Variants in ENOX1 observed in about 807,000 individuals in gnomAD.
ENOX1 encodes the protein ecto-NOX disulfide-thiol exchanger 1, also known as candidate growth-related and time keeping constitutive hydroquinone (NADH) oxidase.
In ENOX1, 42 loss-of-function variants were observed where a neutral mutation model predicts 82.5. The ratio of observed to expected loss-of-function variants is 0.51; its 90% CI spans 0.40 to 0.66. The LOEUF is 0.66. Ranked by LOEUF, ENOX1 falls within the 30% of genes least tolerant of loss-of-function variation. ENOX1 has a pLI of 0.00. For missense variants in ENOX1, 608 were observed against 811.6 expected, an observed-to-expected ratio of 0.75 and a Z score of 3.05; for synonymous variants, 271 against 282.2, an observed-to-expected ratio of 0.96 and a Z score of 0.40.
At chr13:43,518,247 T>C (rs1160532019) in intron 2 of ENOX1, among the ~76,000 whole-genome samples, 2 of 152,072 alleles carry the variant, frequency 1.3e-5, no homozygotes, top group East Asian at 3.9e-4. Context: ...AGGAAGTGTG[T>C]TGTGAGAACA....
intron 2 of ENOX1, among the ~76,000 whole-genome samples, chr13:43,555,427 T>C (rs2079390656): frequency 6.6e-6 from 1 of 152,222 alleles, no homozygotes; most frequent in African/African-American, 2.4e-5. Context: ...CTATAAATAC[T>C]TGACTTTTAG....
At position 43,525,739 on chromosome 13, in the gene ENOX1, G is replaced by A. The variant is rs529358303; in HGVS notation, c.-218-41587C>T. Among the ~76,000 whole-genome samples the A allele has an allele frequency of 2.7e-4, 41 of 152,168 alleles. No individual in the cohort carries two copies. In the South Asian group the frequency reaches 8.5e-3, roughly 32 times the overall value. On this transcript the variant is annotated intron_variant, in intron 2 of 16. Transcript: ENST00000690772. ...TTTCCCTAGTCATTAGTGATGCTGA[G>A]TATCTTTCCTTGTGCTTATTAGCCA... is the stretch of plus-strand genomic sequence containing the variant.
intron 16 of ENOX1, among the ~76,000 whole-genome samples, chr13:43,215,211 A>T (rs2041410572): frequency 6.6e-6 from 1 of 152,214 alleles, no homozygotes; most frequent in South Asian, 2.1e-4. Context: ...AGTCAAATCA[A>T]CTGTTTATTT....
chr13:43,298,609 T>C, intron 11 of ENOX1, 79 bp from the exon 12 acceptor site: 1 of 1,350,808 alleles, frequency 7.4e-7, no homozygotes, highest in Non-Finnish European at 1.0e-6. Flanking sequence ...AAAGGGAGTC[T>C]GTCACCCAAG....
At chr13:43,364,005 A>G (rs2050688457) in intron 5 of ENOX1, among the ~76,000 whole-genome samples, 1 of 152,204 alleles carries the variant, frequency 6.6e-6, no homozygotes, top group African/African-American at 2.4e-5. Flanking sequence ...TAACACGTAA[A>G]TTATGTTGGA....
In ENOX1 at chr13:43,331,837, A is replaced by C. The variant is rs192612163; in HGVS notation, c.1037-5312T>G. On this transcript the variant is annotated intron_variant, in intron 9 of 16. Coordinates refer to ENST00000690772, the MANE Select transcript of ENOX1 (RefSeq NM_001347969.2). ...CACATAAGAGGAAGCTGCTGCTATA[A>C]AAGAGATTCCCAGACAGACTCCTGC... is the stretch of plus-strand genomic sequence containing the variant. Among the ~76,000 whole-genome samples, 323 of 152,262 alleles carry C rather than the reference A, an allele frequency of 2.1e-3. 2 individuals are homozygous for C. The highest frequency in any genetic ancestry group is 3.5e-3 in the Non-Finnish European group (241 of 68,010).
chr13:43,589,700 C>G (rs1371214351), intron 2 of ENOX1, among the ~76,000 whole-genome samples: 1 of 151,962 alleles, frequency 6.6e-6, no homozygotes, highest in Non-Finnish European at 1.5e-5. Flanking sequence ...TGGAGAGATG[C>G]AGTCTCACTA....
At chr13:43,221,842 G>C (rs1456228812) in intron 16 of ENOX1, among the ~76,000 whole-genome samples, 1 of 152,148 alleles carries the variant, frequency 6.6e-6, no homozygotes. Flanking sequence ...GGTGGAGCCT[G>C]CTTTCCCTGT....
intron 1 of ENOX1, among the ~76,000 whole-genome samples, chr13:43,747,888 C>T (rs920232078): frequency 1.3e-5 from 2 of 152,156 alleles, no homozygotes; most frequent in Non-Finnish European, 2.9e-5. Context: ...CTTTTGTCAC[C>T]AGTATCTAAC....
Position 43,682,935 on chromosome 13 carries a change from A to G in ENOX1, c.-284-15391T>C, listed in dbSNP as rs573298164. ...TTAGGGCCTTTGGAATACTACTCAT[A>G]TAAGGGCTGGTTGCCATGCTTATAA... On this transcript the variant is annotated intron_variant, in intron 1 of 16. Coordinates refer to ENST00000690772, the MANE Select transcript of ENOX1 (RefSeq NM_001347969.2). 3.3e-5 allele frequency among the ~76,000 whole-genome samples: 5 copies of G among 152,338 alleles called. No individual in the cohort carries two copies. In the South Asian group the frequency reaches 6.2e-4, roughly 19 times the overall value.
chr13:43,583,268 T>C (rs190579708), intron 2 of ENOX1, among the ~76,000 whole-genome samples: 3 of 152,262 alleles, frequency 2.0e-5, no homozygotes, highest in Non-Finnish European at 2.9e-5. Context: ...TATTGACAAA[T>C]AGAATCCAAC....
chr13:43,763,339 TCA>T (rs1951092236), intron 1 of ENOX1, among the ~76,000 whole-genome samples: 1 of 152,188 alleles, frequency 6.6e-6, no homozygotes, highest in Non-Finnish European at 1.5e-5. Flanking sequence ...TACCGCATTT[TCA>T]CAGAGTGTAA....
At chr13:43,235,318 G>C (rs2042482502) in intron 15 of ENOX1, among the ~76,000 whole-genome samples, 1 of 152,196 alleles carries the variant, frequency 6.6e-6, no homozygotes, top group Admixed American at 6.5e-5. Flanking sequence ...CCCTGTAGTT[G>C]AAAAATCTAT....
chr13:43,495,840 T>A (rs1340828892), intron 2 of ENOX1, among the ~76,000 whole-genome samples: 3 of 152,014 alleles, frequency 2.0e-5, no homozygotes, highest in African/African-American at 7.2e-5. Flanking sequence ...CAATGTTTGG[T>A]GAGCTCAGTC....
intron 3 of ENOX1, among the ~76,000 whole-genome samples, chr13:43,482,951 G>A (rs901960698): frequency 7.9e-5 from 12 of 152,102 alleles, no homozygotes; most frequent in Admixed American, 5.9e-4. Context: ...TTCAATGGGG[G>A]TTAATCATGA....
At chr13:43,755,729 A>T (rs1950611057) in intron 1 of ENOX1, among the ~76,000 whole-genome samples, 1 of 152,228 alleles carries the variant, frequency 6.6e-6, no homozygotes, top group Admixed American at 6.5e-5. Context: ...ATAAAATTAT[A>T]AAATCATCCA....
intron 3 of ENOX1, among the ~76,000 whole-genome samples, chr13:43,456,417 GA>G (rs952674002): frequency 1.3e-5 from 2 of 152,064 alleles, no homozygotes; most frequent in African/African-American, 4.8e-5. Flanking sequence ...GTTTCCAAGG[GA>G]AACCCTGAGT....
At chr13:43,760,509 T>A in intron 1 of ENOX1, among the ~76,000 whole-genome samples, 1 of 152,118 alleles carries the variant, frequency 6.6e-6, no homozygotes, top group East Asian at 1.9e-4. Flanking sequence ...AACGTGTGCA[T>A]GTTTGCCCCA....
chr13:43,469,669 T>C (rs1253185186), intron 3 of ENOX1, among the ~76,000 whole-genome samples: 2 of 152,012 alleles, frequency 1.3e-5, no homozygotes, highest in East Asian at 1.9e-4. Flanking sequence ...AGGCTTGATA[T>C]TGGTGAGAAG....
Sources: gnomAD v4.1 joint callset for allele counts (sites outside exome capture counted in the v4.1 genomes callset) on GRCh38, gnomAD v4.1.1 for gene constraint, MANE v1.5 for transcripts, NCBI Gene and HGNC (gene_info 2026-07-23, HGNC 2026-07-21) for gene names.